Variants in LRRC7 observed in about 807,000 individuals in gnomAD.
The protein encoded by LRRC7 is leucine-rich repeat-containing protein 7.
A neutral mutation model predicts 175.7 loss-of-function variants in LRRC7; 23 were observed. The observed-to-expected ratio is 0.13, with a 90% CI of 0.09 to 0.19. The LOEUF is 0.19. LRRC7 is among the 10% of genes least tolerant of loss of function. LRRC7 has a pLI of 1.00. For missense variants in LRRC7, 1,354 were observed against 1,904.7 expected (o/e 0.71, Z 5.38); for synonymous variants, 685 against 680.9 (o/e 1.01, Z -0.09).
chr1:70,023,334 C>A lies in LRRC7; in HGVS notation c.1754C>A (p.Ala585Glu), dbSNP rs1471630590. The change falls in exon 17 of 27, where the codon GCA becomes GAA. Residue 585 changes from alanine to glutamate, a missense_variant. Physicochemically the swap from Ala to Glu is moderately radical, Grantham distance 107. This residue lies in a region of LRRC7 where 1,032 missense variants were observed against 1,227.2 expected (regional missense o/e 0.84). Transcript: ENST00000651989. ...AGCATGTGTACTCCATTGCCAGTTG[C>A]AGCACAATCCACCACTCTTCCCTCT... is the stretch of plus-strand genomic sequence containing the variant. ...ERSMCTPLPV[A>E]AQSTTLPSLS... 8.7e-6 allele frequency: 14 copies of A among 1,610,898 alleles called. No homozygotes were observed. Among genetic ancestry groups the A allele is most frequent in the Non-Finnish European group, 1.2e-5 (14 of 1,178,138 alleles).
At chr1:69,755,768 T>C (rs1222579421) in intron 2 of LRRC7, among the ~76,000 whole-genome samples, 2 of 151,886 alleles carry the variant, frequency 1.3e-5, no homozygotes, top group African/African-American at 4.8e-5. Context: ...AACATGGCTA[T>C]ACCCCAGGCA....
chr1:70,062,363 A>G (rs1661645799), intron 23 of LRRC7, among the ~76,000 whole-genome samples: 1 of 152,156 alleles, frequency 6.6e-6, no homozygotes, highest in Non-Finnish European at 1.5e-5. Context: ...TAACTTTGCC[A>G]GTAATCTTAT....
intron 25 of LRRC7, among the ~76,000 whole-genome samples, chr1:70,105,066 G>A (rs1435817178): frequency 3.3e-5 from 5 of 152,116 alleles, no homozygotes; most frequent in African/African-American, 1.2e-4. Flanking sequence ...GCAAAGGAGG[G>A]GCTACCAGGG....
Position 69,709,657 on chromosome 1 carries a change from A to G in LRRC7, c.100+31179A>G, listed in dbSNP as rs1664495531. Among the ~76,000 whole-genome samples, 4 of 152,312 alleles carry G rather than the reference A, an allele frequency of 2.6e-5. No individual in the cohort carries two copies. The South Asian group carries it at 6.2e-4, about 24-fold the overall frequency. On this transcript the variant is annotated intron_variant, in intron 2 of 26. Transcript: ENST00000651989. ...TAAAGATACATGCCTAACAAACAGA[A>G]TCATTATCAAGATTTAAGAAATACT...
At chr1:69,612,921 T>C (rs1479371189) in intron 1 of LRRC7, among the ~76,000 whole-genome samples, 1 of 152,062 alleles carries the variant, frequency 6.6e-6, no homozygotes, top group Non-Finnish European at 1.5e-5. Context: ...GGCTCATCCT[T>C]CTACTCCCCC....
intron 7 of LRRC7, among the ~76,000 whole-genome samples, chr1:69,905,482 C>A (rs1273242734): frequency 6.6e-6 from 1 of 152,056 alleles, no homozygotes; most frequent in Non-Finnish European, 1.5e-5. Context: ...TGTTCAATTC[C>A]CACCTATGAG....
Position 70,039,760 on chromosome 1 carries a change from G to T in LRRC7, c.3936G>T (p.Leu1312=). The T allele has an allele frequency of 6.2e-7, 1 of 1,609,054 alleles. No homozygotes were observed. Among genetic ancestry groups the T allele is most frequent in the Non-Finnish European group, 8.5e-7 (1 of 1,178,098 alleles). ...TGCCTGCAGACTGGAGACAACAGCT[G>T]CTTAGACATATAGAAGCTAGACGGT... ...GKMPADWRQQ[L]LRHIEARRLD... The change falls in exon 21 of 27, where the codon CTG becomes CTT. Residue 1312 remains leucine, a synonymous_variant. Coordinates refer to ENST00000651989, the MANE Select transcript of LRRC7 (RefSeq NM_001370785.2).
chr1:69,767,488 ACT>A (rs1263477621), intron 3 of LRRC7, among the ~76,000 whole-genome samples: 1 of 151,876 alleles, frequency 6.6e-6, no homozygotes, highest in Non-Finnish European at 1.5e-5. Flanking sequence ...CAAGAGTCTC[ACT>A]CTGTCGCACA....
intron 7 of LRRC7, among the ~76,000 whole-genome samples, chr1:69,897,294 T>C (rs1316468277): frequency 6.6e-6 from 1 of 152,206 alleles, no homozygotes; most frequent in East Asian, 1.9e-4. Flanking sequence ...CATATCATTA[T>C]GTTTCCTCAC....
intron 1 of LRRC7, among the ~76,000 whole-genome samples, chr1:69,621,305 C>T (rs1257973324): frequency 2.0e-5 from 3 of 152,132 alleles, no homozygotes; most frequent in African/African-American, 2.4e-5. Flanking sequence ...CTTGACCTCT[C>T]AAAGTGCTGG....
At chr1:69,970,828 AAAG>A (rs1460911297) in intron 8 of LRRC7, among the ~76,000 whole-genome samples, 3 of 152,156 alleles carry the variant, frequency 2.0e-5, no homozygotes, top group Admixed American at 6.6e-5. Flanking sequence ...CATAATCAAA[AAAG>A]AAAACTACAA....
chr1:70,072,633 T>C (rs1571241312), intron 23 of LRRC7, among the ~76,000 whole-genome samples: 1 of 151,572 alleles, frequency 6.6e-6, no homozygotes, highest in East Asian at 1.9e-4. Context: ...AGAATGACTT[T>C]ACAGCATGTT....
chr1:70,021,837 C>T (rs1295091611), intron 16 of LRRC7, among the ~76,000 whole-genome samples: 3 of 152,138 alleles, frequency 2.0e-5, no homozygotes, highest in Non-Finnish European at 4.4e-5. Flanking sequence ...TTCTCAACAT[C>T]ACATTTTCAT....
At chr1:69,580,670 T>C (rs1303730656) in intron 1 of LRRC7, among the ~76,000 whole-genome samples, 1 of 152,220 alleles carries the variant, frequency 6.6e-6, no homozygotes, top group Non-Finnish European at 1.5e-5. Context: ...TACTAAGTTC[T>C]TGCCTGCCTG....
intron 8 of LRRC7, among the ~76,000 whole-genome samples, chr1:69,952,968 G>T (rs1288279315): frequency 7.3e-6 from 1 of 136,830 alleles, no homozygotes; most frequent in Non-Finnish European, 1.5e-5. Context: ...CATGCCTTCA[G>T]GAAAAGTATG....
intron 8 of LRRC7, among the ~76,000 whole-genome samples, chr1:69,941,504 T>A (rs1648705952): frequency 6.6e-6 from 1 of 151,726 alleles, no homozygotes; most frequent in African/African-American, 2.4e-5. Context: ...GCAATGGAGG[T>A]GGTAAGAAAC....
Position 70,135,651 on chromosome 1 carries a change from T to C in LRRC7, c.*13764T>C, listed in dbSNP as rs919476192. Among the ~76,000 whole-genome samples, 2 of 152,252 alleles carry C rather than the reference T, an allele frequency of 1.3e-5. No individual in the cohort carries two copies. The highest frequency in any genetic ancestry group is 2.4e-5 in the African/African-American group (1 of 41,458). On this transcript the variant is annotated 3_prime_UTR_variant, in exon 27 of 27. Coordinates refer to ENST00000651989, the MANE Select transcript of LRRC7 (RefSeq NM_001370785.2). ...CATCATATTCAAGACTTCACTTTTA[T>C]TGATGATCATTAAGCTAGAATCTGT...
intron 7 of LRRC7, among the ~76,000 whole-genome samples, chr1:69,899,911 A>T (rs1487453282): frequency 1.3e-5 from 2 of 152,188 alleles, no homozygotes; most frequent in Non-Finnish European, 2.9e-5. Flanking sequence ...ACTGTGAGAA[A>T]ATAAGCTTCT....
intron 7 of LRRC7, among the ~76,000 whole-genome samples, chr1:69,921,236 T>A (rs6424611): frequency 0.46 from 69,812 of 151,966 alleles, 16,983 homozygotes; most frequent in East Asian, 0.7. Context: ...AATGTGGGTT[T>A]AAAAGGAGAG....
Sources: allele counts gnomAD v4.1 joint callset (sites outside exome capture counted in the v4.1 genomes callset), GRCh38; gene constraint gnomAD v4.1.1; regional missense constraint gnomAD v4.1.1; transcripts MANE v1.5; gene names NCBI Gene and HGNC (gene_info 2026-07-23, HGNC 2026-07-21).